STXBP6: variants seen among roughly 807,000 people sequenced by gnomAD.
STXBP6 encodes syntaxin-binding protein 6.
STXBP6 carries 21 observed loss-of-function variants against 26.9 expected under a neutral mutation model. That is an observed-to-expected ratio of 0.78 (90% CI 0.55 to 1.12). STXBP6 has a LOEUF of 1.12. STXBP6 is among the 50% of genes most tolerant of loss of function. The pLI, the probability that STXBP6 is intolerant of heterozygous loss-of-function variation, is 0.00. For missense variants in STXBP6, 232 were observed against 257.9 expected (o/e 0.90, Z 0.69); for synonymous variants, 97 against 92.6 (o/e 1.05, Z -0.27).
At chr14:24,856,943 A>C in intron 3 of STXBP6, 84 bp downstream of exon 3, 1 of 1,487,904 alleles carries the variant, frequency 6.7e-7, no homozygotes, top group Non-Finnish European at 9.0e-7. Flanking sequence ...GAATGATTCA[A>C]ACCACCACTA....
intron 1 of STXBP6, among the ~76,000 whole-genome samples, chr14:25,032,285 C>G (rs563219946): frequency 5.4e-4 from 82 of 152,078 alleles, no homozygotes; most frequent in Non-Finnish European, 1.1e-3. Context: ...GTGGTGAGTT[C>G]CATCATCCGA....
chr14:25,002,803 T>C (rs2074796386), intron 1 of STXBP6, among the ~76,000 whole-genome samples: 1 of 152,124 alleles, frequency 6.6e-6, no homozygotes, highest in South Asian at 2.1e-4. Flanking sequence ...GTTTCACTCT[T>C]GTTGCCCAGG....
chr14:25,049,403 G>C lies in STXBP6; in HGVS notation c.-33+475C>G. 4.1e-6 allele frequency: 4 copies of C among 985,436 alleles called. No homozygotes were observed. The highest frequency in any genetic ancestry group is 4.8e-6 in the Non-Finnish European group (4 of 829,940). The allele number at this position is 985,436 out of a possible 1,614,324, so 61.0% of individuals were successfully genotyped here. A position where few individuals can be genotyped will look rare whatever the true frequency, so the allele number is the denominator to read the frequency against. ...AGTTTTGGCAGTAATGATTTTCCTA[G>C]AAGATGCCAGAGTTCGCGAAGATCG... On this transcript the variant is annotated intron_variant, in intron 1 of 5. Transcript: ENST00000323944. The surrounding 1 kb of genome is among the most constrained non-coding windows in gnomAD (Gnocchi z 5.6).
intron 2 of STXBP6, among the ~76,000 whole-genome samples, chr14:24,907,536 T>C (rs1566465154): frequency 6.6e-6 from 1 of 152,186 alleles, no homozygotes; most frequent in Non-Finnish European, 1.5e-5. Flanking sequence ...AGAATTGCCA[T>C]GAGAGAGTCT....
At chr14:24,976,751 TG>T (rs1246658480) in intron 1 of STXBP6, among the ~76,000 whole-genome samples, 1 of 151,766 alleles carries the variant, frequency 6.6e-6, no homozygotes, top group Non-Finnish European at 1.5e-5. Flanking sequence ...TCTCACTATT[TG>T]GGTACAGGTG....
intron 2 of STXBP6, among the ~76,000 whole-genome samples, chr14:24,920,849 A>G (rs750075475): frequency 6.6e-6 from 1 of 152,034 alleles, no homozygotes; most frequent in Non-Finnish European, 1.5e-5. Context: ...CCCACAAACT[A>G]TGTTCTGTTT....
intron 2 of STXBP6, among the ~76,000 whole-genome samples, chr14:24,885,132 A>T (rs1479031215): frequency 6.6e-6 from 1 of 152,198 alleles, no homozygotes; most frequent in Non-Finnish European, 1.5e-5. Flanking sequence ...GATAAAACTT[A>T]GTGGGGTATA....
chr14:25,015,803 A>G (rs2075135853), intron 1 of STXBP6, among the ~76,000 whole-genome samples: 1 of 122,234 alleles, frequency 8.2e-6, no homozygotes, highest in East Asian at 2.1e-4. Context: ...CAACAAGGAA[A>G]AAAAAAAAAA....
intron 1 of STXBP6, among the ~76,000 whole-genome samples, chr14:24,982,933 T>C (rs1359032280): frequency 3.3e-5 from 5 of 152,172 alleles, no homozygotes; most frequent in Non-Finnish European, 7.3e-5. Flanking sequence ...GGATATGTCA[T>C]TTGGAGGATT....
intron 2 of STXBP6, among the ~76,000 whole-genome samples, chr14:24,867,645 G>C (rs1180423723): frequency 6.6e-6 from 1 of 151,206 alleles, no homozygotes; most frequent in Non-Finnish European, 1.5e-5. Context: ...CATATACTTT[G>C]TACTATACAC....
At chr14:24,850,689 G>A (rs1028153582) in intron 4 of STXBP6, among the ~76,000 whole-genome samples, 2 of 152,082 alleles carry the variant, frequency 1.3e-5, no homozygotes, top group African/African-American at 4.8e-5. Context: ...TGTCCAGAAA[G>A]TAAGTCAAGC....
chr14:25,012,674 A>C (rs57426267), intron 1 of STXBP6, among the ~76,000 whole-genome samples: 22,462 of 152,178 alleles, frequency 0.15, 1,870 homozygotes, highest in African/African-American at 0.22. Context: ...AGAAAACTTC[A>C]CTATATACAG....
chr14:24,875,725 ATTC>A (rs2070115866), intron 2 of STXBP6, among the ~76,000 whole-genome samples: 1 of 152,242 alleles, frequency 6.6e-6, no homozygotes, highest in African/African-American at 2.4e-5. Flanking sequence ...CAGTGTGACT[ATTC>A]TTCTGGAAAA....
At chr14:24,839,197 C>G (rs1412501572) in intron 4 of STXBP6, among the ~76,000 whole-genome samples, 1 of 152,158 alleles carries the variant, frequency 6.6e-6, no homozygotes, top group Non-Finnish European at 1.5e-5. Context: ...GTGTTGACAG[C>G]ATCCCTTAAC....
chr14:24,980,856 A>C (rs1256296290), intron 1 of STXBP6, among the ~76,000 whole-genome samples: 7 of 152,230 alleles, frequency 4.6e-5, no homozygotes, highest in Non-Finnish European at 8.8e-5. Flanking sequence ...AGTTGAAGAT[A>C]GGAAAAAAAA....
chr14:24,950,952 C>T (rs1477270337), intron 2 of STXBP6, among the ~76,000 whole-genome samples: 2 of 151,964 alleles, frequency 1.3e-5, no homozygotes, highest in African/African-American at 4.8e-5. Flanking sequence ...CATGTGTTCT[C>T]ACTGTTCAAC....
intron 1 of STXBP6, among the ~76,000 whole-genome samples, chr14:25,000,335 TTACAGG>T (rs1249525774): frequency 6.6e-6 from 1 of 151,538 alleles, no homozygotes; most frequent in Non-Finnish European, 1.5e-5. Flanking sequence ...AATGCTGGGA[TTACAGG>T]TGTGAGCCAC....
intron 2 of STXBP6, among the ~76,000 whole-genome samples, chr14:24,961,514 G>T (rs977185611): frequency 6.6e-6 from 1 of 151,428 alleles, no homozygotes; most frequent in Non-Finnish European, 1.5e-5. Flanking sequence ...ATGGATGGAG[G>T]CCATTATTCT....
intron 2 of STXBP6, among the ~76,000 whole-genome samples, chr14:24,920,956 G>T (rs1449298359): frequency 1.3e-5 from 2 of 152,090 alleles, no homozygotes; most frequent in Admixed American, 6.6e-5. Flanking sequence ...CTAGAAATCT[G>T]GTGTGTTGGA....
Sources: allele counts gnomAD v4.1 joint callset (sites outside exome capture counted in the v4.1 genomes callset), GRCh38; gene constraint gnomAD v4.1.1; non-coding constraint Gnocchi (gnomAD v3.1); transcripts MANE v1.5; gene names NCBI Gene and HGNC (gene_info 2026-07-23, HGNC 2026-07-21).